The following MAP2 variants were observed in gnomAD, a reference collection of about 807,000 sequenced individuals.
MAP2 encodes the protein microtubule-associated protein 2.
A neutral mutation model predicts 137.6 loss-of-function variants in MAP2; 14 were observed. That is an observed-to-expected ratio of 0.10 (90% CI 0.07 to 0.16). The LOEUF (loss-of-function observed/expected upper bound fraction) is 0.16, where lower values mean the gene tolerates loss of function less well. Ranked by LOEUF, MAP2 falls within the 10% of genes least tolerant of loss-of-function variation. The pLI is 1.00. For synonymous variants in MAP2, 786 were observed against 782.3 expected (o/e 1.00, Z -0.08); for missense variants, 2,088 against 2,191.5 (o/e 0.95, Z 0.94).
At chr2:209,492,677 C>CTTGAGCCAAA (rs2059269503) in intron 1 of MAP2, among the ~76,000 whole-genome samples, 1 of 152,110 alleles carries the variant, frequency 6.6e-6, no homozygotes, top group African/African-American at 2.4e-5. Context: ...CTTGAGCAAA[C>CTTGAGCCAAA]TCCCATTCAC....
intron 13 of MAP2, among the ~76,000 whole-genome samples, chr2:209,711,984 C>T (rs2065653492): frequency 6.6e-6 from 1 of 151,998 alleles, no homozygotes. Flanking sequence ...TACAAATTAT[C>T]TCCAAGATAT....
intron 2 of MAP2, among the ~76,000 whole-genome samples, chr2:209,510,611 T>C (rs1192587401): frequency 6.6e-6 from 1 of 152,060 alleles, no homozygotes; most frequent in Non-Finnish European, 1.5e-5. Context: ...ATGTTGGAAT[T>C]AGGATTTTAA....
intron 1 of MAP2, among the ~76,000 whole-genome samples, chr2:209,447,175 C>T (rs939020355): frequency 1.3e-5 from 2 of 151,966 alleles, no homozygotes; most frequent in African/African-American, 4.8e-5. Flanking sequence ...GGTGCCTGGA[C>T]TAAAACATCC....
intron 5 of MAP2, among the ~76,000 whole-genome samples, chr2:209,666,337 C>T (rs2046293248): frequency 6.6e-6 from 1 of 151,952 alleles, no homozygotes; most frequent in Admixed American, 6.6e-5. Flanking sequence ...AGAAAAGAAG[C>T]AAATGATTGA....
chr2:209,557,054 A>T (rs2070857342), intron 2 of MAP2, among the ~76,000 whole-genome samples: 1 of 152,206 alleles, frequency 6.6e-6, no homozygotes, highest in Admixed American at 6.5e-5. Context: ...AACAGAAGAT[A>T]CTGTCCTTTC....
At chr2:209,633,170 A>G (rs2093253632) in intron 4 of MAP2, among the ~76,000 whole-genome samples, 1 of 152,098 alleles carries the variant, frequency 6.6e-6, no homozygotes, top group African/African-American at 2.4e-5. Context: ...CTCTCATGTT[A>G]CAATCACCTT....
chr2:209,435,575 G>T (rs755838455), intron 1 of MAP2, among the ~76,000 whole-genome samples: 2 of 151,700 alleles, frequency 1.3e-5, no homozygotes, highest in African/African-American at 2.4e-5. Context: ...TGGTTTCATT[G>T]TAAGGCCACT....
chr2:209,528,842 A>ATATG (rs2064580282), intron 2 of MAP2, among the ~76,000 whole-genome samples: 4 of 148,376 alleles, frequency 2.7e-5, no homozygotes, highest in African/African-American at 9.9e-5. Flanking sequence ...ATGTATGTAT[A>ATATG]TATATGTGTG....
intron 3 of MAP2, among the ~76,000 whole-genome samples, chr2:209,617,219 G>A (rs2089774607): frequency 6.6e-6 from 1 of 152,114 alleles, no homozygotes; most frequent in South Asian, 2.1e-4. Flanking sequence ...ATAGACAAAA[G>A]GACAGGAGAA....
intron 10 of MAP2, among the ~76,000 whole-genome samples, chr2:209,698,932 ATG>A (rs2061006796): frequency 6.6e-6 from 1 of 152,214 alleles, no homozygotes; most frequent in Non-Finnish European, 1.5e-5. Flanking sequence ...AAAACGTAAA[ATG>A]GTTTAGTAAA....
chr2:209,525,944 T>C (rs542930896), intron 2 of MAP2, among the ~76,000 whole-genome samples: 2 of 152,306 alleles, frequency 1.3e-5, no homozygotes, highest in South Asian at 4.1e-4. Flanking sequence ...TAGCCAATTC[T>C]ATTTTTGCAT....
intron 3 of MAP2, among the ~76,000 whole-genome samples, chr2:209,581,477 T>C (rs951031733): frequency 6.6e-6 from 1 of 152,190 alleles, no homozygotes; most frequent in Non-Finnish European, 1.5e-5. Flanking sequence ...CTCAGTGGAA[T>C]CGTGTATGAA....
intron 2 of MAP2, among the ~76,000 whole-genome samples, chr2:209,512,269 T>C (rs2061825206): frequency 1.3e-5 from 2 of 151,980 alleles, no homozygotes; most frequent in South Asian, 4.1e-4. Flanking sequence ...CCACCTTGTG[T>C]CTGATAAATA....
chr2:209,570,586 A>T (rs1432389485), intron 2 of MAP2, among the ~76,000 whole-genome samples: 2 of 151,956 alleles, frequency 1.3e-5, no homozygotes, highest in African/African-American at 4.8e-5. Context: ...AAATTACTGA[A>T]AAATGGACCA....
chr2:209,709,419 A>G (rs1370973425), intron 12 of MAP2, among the ~76,000 whole-genome samples: 1 of 152,162 alleles, frequency 6.6e-6, no homozygotes, highest in Admixed American at 6.6e-5. Context: ...AGATCTTTCT[A>G]TACAGGCCAA....
chr2:209,541,360 A>T (rs1253856649), intron 2 of MAP2, among the ~76,000 whole-genome samples: 2 of 151,236 alleles, frequency 1.3e-5, no homozygotes, highest in East Asian at 3.9e-4. Context: ...TCTGCAAGTC[A>T]TAGTCTTGTT....
At chr2:209,670,207 T>C (rs1409069086) in intron 5 of MAP2, among the ~76,000 whole-genome samples, 2 of 152,008 alleles carry the variant, frequency 1.3e-5, no homozygotes, top group African/African-American at 4.8e-5. Context: ...GATAAAATAT[T>C]ACAACCTTAG....
chr2:209,554,879 A>T (rs1294080743), intron 2 of MAP2, among the ~76,000 whole-genome samples: 1 of 148,370 alleles, frequency 6.7e-6, no homozygotes, highest in East Asian at 1.9e-4. Flanking sequence ...AATATTATAT[A>T]TATATAATTT....
At chr2:209,615,704 C>T (rs1439710178) in intron 3 of MAP2, among the ~76,000 whole-genome samples, 3 of 152,116 alleles carry the variant, frequency 2.0e-5, no homozygotes, top group African/African-American at 7.2e-5. Flanking sequence ...ACCTCCAAGC[C>T]GAAGACAGTA....
Sources: gnomAD v4.1 joint callset for allele counts (sites outside exome capture counted in the v4.1 genomes callset) on GRCh38, gnomAD v4.1.1 for gene constraint, MANE v1.5 for transcripts, NCBI Gene and HGNC (gene_info 2026-07-23, HGNC 2026-07-21) for gene names.